SRGAP1: variants seen among roughly 807,000 people sequenced by gnomAD.
The protein encoded by SRGAP1 is SLIT-ROBO Rho GTPase-activating protein 1.
Under a neutral mutation model 121.9 loss-of-function variants are expected in SRGAP1, and 43 were observed. The observed-to-expected ratio is 0.35, with a 90% CI of 0.28 to 0.46. The LOEUF (loss-of-function observed/expected upper bound fraction) is 0.46, where lower values mean the gene tolerates loss of function less well. Ranked by LOEUF, SRGAP1 falls within the 20% of genes least tolerant of loss-of-function variation. SRGAP1 has a pLI of 1.00. For missense variants in SRGAP1, 1,102 were observed against 1,350.9 expected (o/e 0.82, Z 2.89); for synonymous variants, 447 against 485.4 (o/e 0.92, Z 1.04).
intron 6 of SRGAP1, among the ~76,000 whole-genome samples, chr12:64,051,625 CTT>C (rs1041492152): frequency 7.9e-5 from 12 of 152,138 alleles, no homozygotes; most frequent in Admixed American, 7.2e-4. Flanking sequence ...TAATTCAACA[CTT>C]TAATAGACAA....
At chr12:64,129,975 GGTTGTTGTTGTTGTTGTTGTT>G (rs57651653) in intron 21 of SRGAP1, among the ~76,000 whole-genome samples, 2 of 151,124 alleles carry the variant, frequency 1.3e-5, no homozygotes, top group South Asian at 4.2e-4. Context: ...AGCAGGTCGT[GGTTGTTGTTGTTGTTGTTGTT>G]GTTGTTGTTG....
chr12:64,062,958 A>G lies in SRGAP1; in HGVS notation c.843A>G (p.Leu281=). ...ACCATGCAAGTCTGAACAGAGCCCT[A>G]AGAACATATCTGTCTGCGGAGTACA... The part of the protein sequence containing the change: ...LGYHASLNRA[L]RTYLSAEYNL... The change falls in exon 7 of 22, where the codon CTA becomes CTG. Residue 281 remains leucine (L), a synonymous_variant. Coordinates refer to ENST00000355086, the MANE Select transcript of SRGAP1 (RefSeq NM_020762.4). 6.2e-7 allele frequency: 1 copy of G among 1,614,046 alleles called. No individual in the cohort carries two copies. Among genetic ancestry groups the G allele is most frequent in the South Asian group, 1.1e-5 (1 of 91,076 alleles).
chr12:64,016,923 A>G, intron 3 of SRGAP1, 27 bp from the exon 4 acceptor site: 1 of 1,287,668 alleles, frequency 7.8e-7, no homozygotes. Context: ...TAATTTTAAA[A>G]TATTCTTTTT....
chr12:64,120,885 T>C (rs539261705), intron 18 of SRGAP1, among the ~76,000 whole-genome samples: 1 of 152,374 alleles, frequency 6.6e-6, no homozygotes, highest in East Asian at 1.9e-4. Context: ...TGATAGCTTA[T>C]TAATGCAATT....
intron 1 of SRGAP1, among the ~76,000 whole-genome samples, chr12:63,959,923 T>G (rs1337304119): frequency 1.3e-5 from 2 of 152,170 alleles, no homozygotes; most frequent in African/African-American, 2.4e-5. Flanking sequence ...CTCAGATGAA[T>G]TCATCAGATT....
At chr12:63,931,048 T>G (rs187699558) in intron 1 of SRGAP1, among the ~76,000 whole-genome samples, 1 of 152,290 alleles carries the variant, frequency 6.6e-6, no homozygotes, top group Admixed American at 6.5e-5. Context: ...TGTTTTTAAG[T>G]GAGAAAAAAT....
At chr12:63,906,850 A>G (rs1042873630) in intron 1 of SRGAP1, among the ~76,000 whole-genome samples, 1 of 151,204 alleles carries the variant, frequency 6.6e-6, no homozygotes, top group African/African-American at 2.4e-5. Flanking sequence ...TAGTGACTAT[A>G]CTCACCCACT....
chr12:64,020,563 C>T (rs1174374822), intron 4 of SRGAP1, among the ~76,000 whole-genome samples: 1 of 152,234 alleles, frequency 6.6e-6, no homozygotes, highest in East Asian at 1.9e-4. Flanking sequence ...TCAGTCTTCA[C>T]TGGCTACAGT....
chr12:63,898,595 TA>T, intron 1 of SRGAP1, among the ~76,000 whole-genome samples: 1 of 152,304 alleles, frequency 6.6e-6, no homozygotes, highest in East Asian at 1.9e-4. Context: ...TTACATTACA[TA>T]AATATTACAA....
intron 3 of SRGAP1, among the ~76,000 whole-genome samples, chr12:64,006,740 GTTC>G (rs1237672645): frequency 6.6e-6 from 1 of 152,024 alleles, no homozygotes; most frequent in Non-Finnish European, 1.5e-5. Flanking sequence ...CCTTCAAAAA[GTTC>G]TTATTATTGT....
intron 21 of SRGAP1, among the ~76,000 whole-genome samples, chr12:64,130,411 G>T (rs1004757201): frequency 1.3e-5 from 2 of 152,166 alleles, no homozygotes; most frequent in African/African-American, 4.8e-5. Flanking sequence ...AAGTAAAAAT[G>T]TTGCTAGGGG....
chr12:64,097,937 C>G (rs2036189031), intron 15 of SRGAP1, among the ~76,000 whole-genome samples: 1 of 152,116 alleles, frequency 6.6e-6, no homozygotes, highest in South Asian at 2.1e-4. Context: ...TAAAGCATTG[C>G]TGTTTACTTC....
chr12:64,002,661 A>G (rs1385764790), intron 3 of SRGAP1, among the ~76,000 whole-genome samples: 1 of 152,192 alleles, frequency 6.6e-6, no homozygotes, highest in Non-Finnish European at 1.5e-5. Context: ...GAATAGGAGC[A>G]TTGTGTGAGT....
chr12:63,852,962 CA>C (rs1289213409), intron 1 of SRGAP1, among the ~76,000 whole-genome samples: 7 of 150,812 alleles, frequency 4.6e-5, no homozygotes, highest in Non-Finnish European at 1.0e-4. Context: ...CTTTATACTG[CA>C]AATAAGCATG....
In SRGAP1 at chr12:64,142,273, C is replaced by G. The variant is rs370344676; in HGVS notation, c.2881-22C>G. On this transcript the variant is annotated intron_variant, in intron 21 of 21. Coordinates refer to ENST00000355086, the MANE Select transcript of SRGAP1 (RefSeq NM_020762.4). ...TTCATTATCAGTCTGTGCTTTCTCT[C>G]TTTCCGATTATTCTTCAATAGGATA... is the stretch of plus-strand genomic sequence containing the variant. 45 of 1,604,938 alleles carry G rather than the reference C, an allele frequency of 2.8e-5. No homozygotes were observed. In the African/African-American group the frequency reaches 5.2e-4, roughly 19 times the overall value.
chr12:63,898,186 AG>A (rs983234804), intron 1 of SRGAP1, among the ~76,000 whole-genome samples: 3 of 152,198 alleles, frequency 2.0e-5, no homozygotes, highest in Non-Finnish European at 4.4e-5. Context: ...GCAAACTTGC[AG>A]GGGGGACTCC....
rs1029963354 is a variant in SRGAP1 at position 64,157,613 on chromosome 12, T to G, written c.*14941T>G. On this transcript the variant is annotated 3_prime_UTR_variant, in exon 22 of 22. Coordinates refer to ENST00000355086, the MANE Select transcript of SRGAP1 (RefSeq NM_020762.4). ...GAAAAAATGATCAGGATTCAATAAA[T>G]TCTGGATAGAAAAAAGAATAAAATG... 1 of 152,194 alleles carries G rather than the reference T, an allele frequency of 6.6e-6. No homozygotes were observed. The highest frequency in any genetic ancestry group is 6.5e-5 in the Admixed American group (1 of 15,280). 9.4% of individuals were successfully genotyped at this position (152,194 alleles called of 1,614,324 possible).
intron 21 of SRGAP1, among the ~76,000 whole-genome samples, chr12:64,140,617 AAAC>A (rs2036940945): frequency 6.6e-6 from 1 of 150,618 alleles, no homozygotes; most frequent in African/African-American, 2.4e-5. Context: ...AAAAGTCAGG[AAAC>A]AACAGGTGCT....
At position 64,080,243 on chromosome 12, in the gene SRGAP1, C is replaced by CAA. The variant is rs59896917; in HGVS notation, c.1324-31_1324-30dup. 3,399 of 1,262,024 alleles carry CAA rather than the reference C, an allele frequency of 2.7e-3. 31 individuals are homozygous for CAA. In the African/African-American group the frequency reaches 0.041, roughly 15 times the overall value. 78.2% of individuals were successfully genotyped at this position (1,262,024 alleles called of 1,614,324 possible). A position where few individuals can be genotyped will look rare whatever the true frequency, so the allele number is the denominator to read the frequency against. Reference sequence around the variant, plus strand: ...GGGTGACAAGAATGAAACTCTGTCTCAAAAAAAAAAAAAGATTTAAAAATT... The same window carrying CAA: ...GGGTGACAAGAATGAAACTCTGTCTCAAAAAAAAAAAAAAAGATTTAAAAATT... On this transcript the variant is annotated intron_variant, in intron 9 of 21. Transcript: ENST00000355086.
Sources: allele counts gnomAD v4.1 joint callset (sites outside exome capture counted in the v4.1 genomes callset), GRCh38; gene constraint gnomAD v4.1.1; transcripts MANE v1.5; gene names NCBI Gene and HGNC (gene_info 2026-07-23, HGNC 2026-07-21).